The following NRG1 variants were observed in gnomAD, a reference collection of about 807,000 sequenced individuals.
NRG1 encodes the protein pro-neuregulin-1, membrane-bound isoform.
In NRG1, 18 loss-of-function variants were observed where a neutral mutation model predicts 63.8. The observed-to-expected ratio is 0.28, with a 90% CI of 0.19 to 0.42. The LOEUF (loss-of-function observed/expected upper bound fraction) is 0.42. Ranked by LOEUF, NRG1 falls within the 10% of genes least tolerant of loss-of-function variation. The pLI, the probability that NRG1 is intolerant of heterozygous loss-of-function variation, is 1.00. For missense variants in NRG1, 762 were observed against 814.7 expected (o/e 0.94, Z 0.79); for synonymous variants, 302 against 301.3 (o/e 1.00, Z -0.02).
At chr8:32,547,272 G>A (rs34445647), upstream of NRG1, among the ~76,000 whole-genome samples, 9,414 of 152,168 alleles carry the variant, frequency 0.062, 380 homozygotes, top group Non-Finnish European at 0.094. Flanking sequence ...ACCAGAGGGA[G>A]GACAAGGGAA....
At chr8:31,774,551 A>T (rs1818934563) in intron 1 of NRG1, among the ~76,000 whole-genome samples, 1 of 152,198 alleles carries the variant, frequency 6.6e-6, no homozygotes, top group East Asian at 1.9e-4. Context: ...GGGTCAAGTC[A>T]GCCTGAGGTC....
intron 1 of NRG1, among the ~76,000 whole-genome samples, chr8:32,390,324 C>T (rs1273190405): frequency 2.0e-5 from 3 of 152,112 alleles, no homozygotes; most frequent in Non-Finnish European, 4.4e-5. Context: ...GTGGCTCACA[C>T]CTGTGATCCT....
intron 1 of NRG1, among the ~76,000 whole-genome samples, chr8:31,890,476 C>T (rs1303581076): frequency 1.3e-5 from 2 of 151,968 alleles, no homozygotes; most frequent in Admixed American, 1.3e-4. Context: ...AAAGAGAATC[C>T]GTTTAGGAAG....
intron 1 of NRG1, among the ~76,000 whole-genome samples, chr8:31,666,623 T>A (rs1036817222): frequency 4.6e-5 from 7 of 152,182 alleles, no homozygotes; most frequent in Non-Finnish European, 8.8e-5. Context: ...GTTGGGAAAA[T>A]TATCAAAAGT....
Position 31,640,518 on chromosome 8 carries a change from C to A in NRG1, c.37+1087C>A. ...TGAAAGCCGGGGGCTTGAAGAAGGA[C>A]TCGCTGCTCACCGTGCGCCTGGGGA... On this transcript the variant is annotated intron_variant, in intron 1 of 10. Transcript: ENST00000519301. The surrounding 1 kb of genome is among the most constrained non-coding windows in gnomAD (Gnocchi z 6.3). The A allele has an allele frequency of 1.2e-6, 2 of 1,611,428 alleles. No homozygotes were observed. The highest frequency in any genetic ancestry group is 1.7e-6 in the Non-Finnish European group (2 of 1,179,308).
chr8:32,235,396 A>C (rs1847436734), intron 1 of NRG1, among the ~76,000 whole-genome samples: 1 of 152,118 alleles, frequency 6.6e-6, no homozygotes, highest in Non-Finnish European at 1.5e-5. Context: ...CTGTCTCCAA[A>C]AAATGAAAAA....
chr8:32,291,767 G>A (rs536558629), intron 1 of NRG1, among the ~76,000 whole-genome samples: 6 of 152,036 alleles, frequency 3.9e-5, no homozygotes, highest in African/African-American at 1.4e-4. Context: ...CTGGTCTTGA[G>A]CTCCTGACCT....
At chr8:32,433,338 G>A (rs1818397236) in intron 1 of NRG1, among the ~76,000 whole-genome samples, 1 of 152,156 alleles carries the variant, frequency 6.6e-6, no homozygotes, top group African/African-American at 2.4e-5. Flanking sequence ...AAAGGGCAGG[G>A]GAGAGATTAT....
At chr8:32,446,796 G>A (rs562784372) in intron 1 of NRG1, among the ~76,000 whole-genome samples, 1 of 152,124 alleles carries the variant, frequency 6.6e-6, no homozygotes, top group South Asian at 2.1e-4. Context: ...AAGTCTTGAG[G>A]AGAAAAATGA....
At chr8:32,231,124 CAAAGG>C (rs917649536) in intron 1 of NRG1, among the ~76,000 whole-genome samples, 5 of 151,240 alleles carry the variant, frequency 3.3e-5, no homozygotes, top group African/African-American at 1.2e-4. Flanking sequence ...TCAGAAGAAG[CAAAGG>C]AAAGGAAAGG....
intron 5 of NRG1, among the ~76,000 whole-genome samples, chr8:32,682,324 A>G (rs1002888346): frequency 6.6e-6 from 1 of 152,184 alleles, no homozygotes; most frequent in Non-Finnish European, 1.5e-5. Flanking sequence ...CCTTATTTAC[A>G]TATTATTAAA....
At chr8:32,709,117 T>C (rs1035969153) in intron 5 of NRG1, among the ~76,000 whole-genome samples, 1 of 152,216 alleles carries the variant, frequency 6.6e-6, no homozygotes, top group Non-Finnish European at 1.5e-5. Context: ...CCTAATTACT[T>C]TTTATTGATT....
At position 32,760,196 on chromosome 8, in the gene NRG1, G is replaced by A. The variant is rs16879949; in HGVS notation, c.1053-4G>A. ...TCTGATTGTCTCTCCCATTTCCTCC[G>A]CAGCTGGAGCAACGGACACACTGAA... is the stretch of plus-strand genomic sequence containing the variant. On this transcript the variant is annotated splice_region_variant and splice_polypyrimidine_tract_variant and intron_variant, in intron 10 of 11. Coordinates refer to ENST00000356819, the Ensembl canonical transcript of NRG1. 8.7e-3 allele frequency: 14,017 copies of A among 1,613,418 alleles called. 1,111 individuals carry two copies. The African/African-American group carries it at 0.17, about 19-fold the overall frequency.
chr8:32,203,429 C>G (rs1199678385), intron 1 of NRG1, among the ~76,000 whole-genome samples: 1 of 151,406 alleles, frequency 6.6e-6, no homozygotes. Context: ...GTCTGGAGTG[C>G]AGTGGTGCAA....
intron 5 of NRG1, chr8:32,647,766 T>G (rs759008446): frequency 5.6e-6 from 9 of 1,605,650 alleles, no homozygotes; most frequent in Non-Finnish European, 7.7e-6. Flanking sequence ...CGAGAGGTCC[T>G]CCAGCCCCTC....
chr8:31,823,055 T>C (rs1443959307), intron 1 of NRG1, among the ~76,000 whole-genome samples: 1 of 151,436 alleles, frequency 6.6e-6, no homozygotes, highest in African/African-American at 2.4e-5. Flanking sequence ...CTAACAATTA[T>C]GACCAAAGGT....
chr8:31,758,886 C>T (rs940494921), intron 1 of NRG1, among the ~76,000 whole-genome samples: 10 of 152,100 alleles, frequency 6.6e-5, no homozygotes, highest in African/African-American at 2.4e-4. Flanking sequence ...ACCTGTTACC[C>T]ACTGAATGAC....
intron 1 of NRG1, among the ~76,000 whole-genome samples, chr8:31,755,812 A>G (rs998578299): frequency 1.3e-5 from 2 of 152,100 alleles, no homozygotes; most frequent in African/African-American, 4.8e-5. Context: ...CACCAACTGC[A>G]ATGTGAGAAG....
intron 1 of NRG1, among the ~76,000 whole-genome samples, chr8:31,793,499 T>C (rs1820910342): frequency 6.6e-6 from 1 of 152,144 alleles, no homozygotes; most frequent in South Asian, 2.1e-4. Context: ...AGATAAAAAA[T>C]TATATGGGAA....
Sources: gnomAD v4.1 joint callset for allele counts (sites outside exome capture counted in the v4.1 genomes callset) on GRCh38, gnomAD v4.1.1 for gene constraint, Gnocchi (gnomAD v3.1) non-coding constraint, MANE v1.5 for transcripts, NCBI Gene and HGNC (gene_info 2026-07-23, HGNC 2026-07-21) for gene names.